The following FSHR variants were observed in gnomAD, a reference collection of about 807,000 sequenced individuals.
FSHR encodes follicle-stimulating hormone receptor.
FSHR carries 46 observed loss-of-function variants against 52.1 expected under a neutral mutation model. The ratio of observed to expected loss-of-function variants is 0.88; its 90% CI spans 0.70 to 1.13. FSHR has a LOEUF of 1.13. FSHR is among the 50% of genes most tolerant of loss of function. The pLI is 0.00. For synonymous variants in FSHR, 399 were observed against 309.6 expected (o/e 1.29, Z -3.03); for missense variants, 964 against 834.6 (o/e 1.16, Z -1.91).
At chr2:49,027,626 G>A (rs1400543437) in intron 2 of FSHR, among the ~76,000 whole-genome samples, 3 of 152,094 alleles carry the variant, frequency 2.0e-5, no homozygotes, top group African/African-American at 7.2e-5. Context: ...GAGGTGGGCC[G>A]ATCACTTGAT....
chr2:49,110,516 A>T (rs1310168012), intron 1 of FSHR, among the ~76,000 whole-genome samples: 1 of 152,198 alleles, frequency 6.6e-6, no homozygotes, highest in East Asian at 1.9e-4. Flanking sequence ...AGGGAAAAGG[A>T]AGGGATGGAG....
At chr2:49,142,964 G>C (rs1672744026) in intron 1 of FSHR, among the ~76,000 whole-genome samples, 2 of 152,146 alleles carry the variant, frequency 1.3e-5, no homozygotes, top group African/African-American at 4.8e-5. Context: ...CTATTTGTTG[G>C]TTTTGAGATG....
rs67442791 is a variant in FSHR at position 49,036,497 on chromosome 2, G to GTATATCTATATCTATATC, written c.225-16355_225-16338dup. 3.3e-5 allele frequency among the ~76,000 whole-genome samples: 5 copies of GTATATCTATATCTATATC among 150,840 alleles called. No homozygotes were observed. In the East Asian group the frequency reaches 9.8e-4, roughly 29 times the overall value. On this transcript the variant is annotated intron_variant, in intron 2 of 9. Transcript: ENST00000406846. Reference sequence around the variant, plus strand: ...TACCTATTTCTCTATATTTGCATCTGTATATCTATATCTATATCTATATCT... The same window carrying GTATATCTATATCTATATC: ...TACCTATTTCTCTATATTTGCATCTGTATATCTATATCTATATCTATATCTATATCTATATCTATATCT...
At chr2:49,105,469 C>A (rs1304025207) in intron 1 of FSHR, among the ~76,000 whole-genome samples, 1 of 151,944 alleles carries the variant, frequency 6.6e-6, no homozygotes, top group Non-Finnish European at 1.5e-5. Context: ...TCAGGCCCCT[C>A]CCCTTTTGTG....
At chr2:49,077,053 T>C (rs1394713287) in intron 1 of FSHR, among the ~76,000 whole-genome samples, 1 of 152,172 alleles carries the variant, frequency 6.6e-6, no homozygotes, top group Non-Finnish European at 1.5e-5. Flanking sequence ...GGTGGCCGTC[T>C]TCTCACAGCT....
intron 1 of FSHR, among the ~76,000 whole-genome samples, chr2:49,080,090 G>A (rs1216396723): frequency 1.3e-5 from 2 of 152,046 alleles, no homozygotes; most frequent in Non-Finnish European, 2.9e-5. Flanking sequence ...CAATAAACAT[G>A]TAAAAAAAAG....
chr2:48,987,837 A>AACACACACACACACAC (rs72108367), intron 6 of FSHR, among the ~76,000 whole-genome samples: 7 of 146,040 alleles, frequency 4.8e-5, no homozygotes, highest in African/African-American at 1.8e-4. Context: ...ACCTCATCTC[A>AACACACACACACACAC]ACACACACAC....
At chr2:49,072,627 G>A (rs925444681) in intron 1 of FSHR, among the ~76,000 whole-genome samples, 3 of 152,064 alleles carry the variant, frequency 2.0e-5, no homozygotes, top group African/African-American at 7.2e-5. Context: ...GTTTGAGAAG[G>A]TAAACACTAA....
Position 49,152,292 on chromosome 2 carries a change from C to G in FSHR, c.152+1974G>C, listed in dbSNP as rs72879900. ...TCTGGTGCTCTGTTCATCACACTCTCTCACACAGTCTCTTTCCATACTATC... is the reference window on the plus strand; with the variant it reads ...TCTGGTGCTCTGTTCATCACACTCTGTCACACAGTCTCTTTCCATACTATC... On this transcript the variant is annotated intron_variant, in intron 1 of 9. Transcript: ENST00000406846. Among the ~76,000 whole-genome samples the G allele has an allele frequency of 7.3e-3, 1,114 of 152,248 alleles. 10 individuals are homozygous for G. Among genetic ancestry groups the G allele is most frequent in the African/African-American group, 0.025 (1,047 of 41,558 alleles).
chr2:49,009,036 A>G (rs1215880167), intron 4 of FSHR, among the ~76,000 whole-genome samples: 2 of 149,398 alleles, frequency 1.3e-5, no homozygotes, highest in African/African-American at 4.9e-5. Context: ...CTTTAATTAG[A>G]TCCCATTTGT....
In FSHR at chr2:48,963,830, T is replaced by A. The variant is rs1280131486; in HGVS notation, c.991A>T (p.Thr331Ser). Reference sequence around the variant, plus strand: ...TTGCATAAGTCATAGTCAAACTCAGTGTACGTCATGTCAAATCCTCTGCTG... The same window carrying A: ...TTGCATAAGTCATAGTCAAACTCAGAGTACGTCATGTCAAATCCTCTGCTG... ...SYSRGFDMTY[T>S]EFDYDLCNEV... The change falls in exon 10 of 10, where the codon ACT becomes TCT. Residue 331 changes from threonine (T) to serine (S), a missense_variant. Transcript: ENST00000406846. The A allele has an allele frequency of 1.9e-6, 3 of 1,614,010 alleles. No individual in the cohort carries two copies. The African/African-American group carries it at 4.0e-5, about 22-fold the overall frequency.
At chr2:49,070,498 A>G (rs1669689596) in intron 1 of FSHR, among the ~76,000 whole-genome samples, 1 of 152,178 alleles carries the variant, frequency 6.6e-6, no homozygotes, top group Non-Finnish European at 1.5e-5. Context: ...CCAATAAATG[A>G]AGATAATAAA....
At chr2:49,134,807 T>C (rs2103820567) in intron 1 of FSHR, among the ~76,000 whole-genome samples, 1 of 151,996 alleles carries the variant, frequency 6.6e-6, no homozygotes, top group Admixed American at 6.6e-5. Flanking sequence ...CAGTAAACTA[T>C]CGCAAGAACA....
At chr2:49,055,530 T>C (rs1572686627) in intron 2 of FSHR, among the ~76,000 whole-genome samples, 2 of 20,030 alleles carry the variant, frequency 1.0e-4, no homozygotes, top group African/African-American at 2.1e-4. Context: ...TCCAGGAAGC[T>C]CAAAAAAAAA....
intron 4 of FSHR, among the ~76,000 whole-genome samples, chr2:48,994,132 A>T (rs184823834): frequency 6.6e-6 from 1 of 152,272 alleles, no homozygotes; most frequent in African/African-American, 2.4e-5. Context: ...TCTTTATGCC[A>T]GGTAATGTGC....
At chr2:49,033,375 G>T (rs919706341) in intron 2 of FSHR, among the ~76,000 whole-genome samples, 3 of 152,196 alleles carry the variant, frequency 2.0e-5, no homozygotes, top group Non-Finnish European at 2.9e-5. Flanking sequence ...CCTGAGCATG[G>T]ATTCTAAAGG....
chr2:49,113,400 C>T (rs1238354974), intron 1 of FSHR, among the ~76,000 whole-genome samples: 1 of 152,076 alleles, frequency 6.6e-6, no homozygotes. Flanking sequence ...ATCCTTGGTG[C>T]AGGAATTTAA....
Position 48,963,498 on chromosome 2 carries a change from G to T in FSHR, c.1323C>A (p.Gly441=), listed in dbSNP as rs762182029. The T allele has an allele frequency of 6.2e-7, 1 of 1,614,064 alleles. No homozygotes were observed. Among genetic ancestry groups the T allele is most frequent in the Non-Finnish European group, 8.5e-7 (1 of 1,180,028 alleles). Residue 441 remains glycine, a synonymous_variant, in exon 10 of 10, where the codon GGC becomes GGA. Transcript: ENST00000406846. The part of the protein sequence containing the change: ...NYAIDWQTGA[G]CDAAGFFTVF... ...CAGTGAAAAAGCCAGCAGCATCACA[G>T]CCTGCCCCAGTTTGCCAGTCAATGG...
At chr2:49,029,955 G>A (rs1470780724) in intron 2 of FSHR, among the ~76,000 whole-genome samples, 1 of 152,174 alleles carries the variant, frequency 6.6e-6, no homozygotes, top group African/African-American at 2.4e-5. Context: ...ATGACAGCCA[G>A]CTTTCATTTT....
Sources: gnomAD v4.1 joint callset for allele counts (sites outside exome capture counted in the v4.1 genomes callset) on GRCh38, gnomAD v4.1.1 for gene constraint, MANE v1.5 for transcripts, NCBI Gene and HGNC (gene_info 2026-07-23, HGNC 2026-07-21) for gene names.